The following GPRC5D variants were observed in gnomAD, a reference collection of about 807,000 sequenced individuals.
GPRC5D encodes G protein-coupled receptor family C group 5 member D.
GPRC5D carries 20 observed loss-of-function variants against 29.3 expected under a neutral mutation model. The observed-to-expected ratio is 0.68, with a 90% CI of 0.48 to 0.99. The LOEUF (loss-of-function observed/expected upper bound fraction) is 0.99, where lower values mean the gene tolerates loss of function less well. Among genes scored for constraint, GPRC5D ranks in the 50% least tolerant of loss-of-function variants. The pLI is 0.00. For synonymous variants in GPRC5D, 178 were observed against 171.3 expected, an observed-to-expected ratio of 1.04 and a Z score of -0.30; for missense variants, 384 against 423.6, an observed-to-expected ratio of 0.91 and a Z score of 0.82.
In GPRC5D at chr12:12,942,076, C is replaced by A. The variant is rs372206869; in HGVS notation, c.963+185G>T. On this transcript the variant is annotated intron_variant, in intron 2 of 2. Coordinates refer to ENST00000228887, the Ensembl canonical transcript of GPRC5D. Reference sequence around the variant, plus strand: ...AAGACTGGGAGGGTTTGGGTGAAAGCTGTCTTGCGCCACCTGGTCTGGCTT... The same window carrying A: ...AAGACTGGGAGGGTTTGGGTGAAAGATGTCTTGCGCCACCTGGTCTGGCTT... Among the ~76,000 whole-genome samples the A allele has an allele frequency of 7.9e-4, 120 of 152,266 alleles. 1 individual carries two copies. The highest frequency in any genetic ancestry group is 2.8e-3 in the African/African-American group (117 of 41,558).
At chr12:12,944,021 G>T (rs1420224881) in intron 1 of GPRC5D, among the ~76,000 whole-genome samples, 1 of 152,170 alleles carries the variant, frequency 6.6e-6, no homozygotes, top group Non-Finnish European at 1.5e-5. Context: ...ACCTTGGTTT[G>T]GTCTCGAAGC....
intron 1 of GPRC5D, among the ~76,000 whole-genome samples, chr12:12,944,869 CTTTCTT>C (rs1863261447): frequency 1.9e-5 from 2 of 107,954 alleles, no homozygotes; most frequent in Non-Finnish European, 3.9e-5. Flanking sequence ...TTCTTTCTTT[CTTTCTT>C]TCTTTCTTTC....
At chr12:12,950,297 C>G in exon 1 of GPRC5D, 1 of 1,613,028 alleles carries the variant, frequency 6.2e-7, no homozygotes, top group Non-Finnish European at 8.5e-7. Context: ...CCAAGTATGG[C>G]CAGGGACTCC....
chr12:12,949,948 T>G (rs1205893716), exon 1 of GPRC5D: 2 of 1,613,560 alleles, frequency 1.2e-6, no homozygotes, highest in South Asian at 1.1e-5. Context: ...AGTCACATAC[T>G]CAGTGGCAAT....
chr12:12,951,657 T>C (rs1486099728), upstream of GPRC5D, among the ~76,000 whole-genome samples: 4 of 152,230 alleles, frequency 2.6e-5, no homozygotes, highest in Non-Finnish European at 5.9e-5. Flanking sequence ...GCATGATTGA[T>C]GGAATTCAGT....
At chr12:12,946,365 CT>C (rs1254282820) in intron 1 of GPRC5D, among the ~76,000 whole-genome samples, 166 of 129,556 alleles carry the variant, frequency 1.3e-3, no homozygotes, top group African/African-American at 4.4e-3. Flanking sequence ...TTCTTTCTTT[CT>C]TTTCTTTCTT....
Position 12,950,015 on chromosome 12 carries a change from A to ATCCTT in GPRC5D, c.369_370insAAGGA (p.Phe124LysfsTer27), listed in dbSNP as rs1181758934. The ATCCTT allele has an allele frequency of 6.2e-7, 1 of 1,614,190 alleles. No individual in the cohort carries two copies. Among genetic ancestry groups the ATCCTT allele is most frequent in the Non-Finnish European group, 8.5e-7 (1 of 1,180,006 alleles). On this transcript the variant is annotated frameshift_variant, in exon 1 of 3. Transcript: ENST00000228887. LOFTEE classifies it high-confidence loss of function. The stretch of plus-strand genomic sequence containing the variant: ...ATGCACAGAATTGTCGTCCAGGAGA[A>ATCCTT]GGAGACACAACCCCGAACCAGCTTC...
upstream of GPRC5D, chr12:12,952,094 A>G (rs960158450): frequency 1.3e-5 from 2 of 152,132 alleles, no homozygotes; most frequent in Non-Finnish European, 2.9e-5. Context: ...ATGGCCCCCC[A>G]ATTCCAACTT....
At position 12,944,837 on chromosome 12, in the gene GPRC5D, CCTTCCTTCCTTCCTTCTT is replaced by C. The variant is rs1863250841; in HGVS notation, c.896-2527_896-2510del. ...TCCTTCCTTCCTTCCTTCCTTCCTT[CCTTCCTTCCTTCCTTCTT>C]TCTTTCTTTCTTTCTTTCTTTCTTT... On this transcript the variant is annotated intron_variant, in intron 1 of 2. Coordinates refer to ENST00000228887, the Ensembl canonical transcript of GPRC5D. Among the ~76,000 whole-genome samples, 48 of 20,508 alleles carry C rather than the reference CCTTCCTTCCTTCCTTCTT, an allele frequency of 2.3e-3. 5 individuals are homozygous for C. The highest frequency in any genetic ancestry group is 7.0e-3 in the Admixed American group (9 of 1,278). The allele number at this position is 20,508 out of a possible 152,430, so 13.5% of individuals were successfully genotyped here.
intron 1 of GPRC5D, among the ~76,000 whole-genome samples, chr12:12,946,097 C>T (rs1353934094): frequency 6.6e-6 from 1 of 152,142 alleles, no homozygotes; most frequent in Non-Finnish European, 1.5e-5. Flanking sequence ...TTCTTAATCC[C>T]CTTTGCTGAT....
intron 1 of GPRC5D, among the ~76,000 whole-genome samples, chr12:12,946,344 T>C (rs1863333587): frequency 6.7e-6 from 1 of 150,226 alleles, no homozygotes; most frequent in Admixed American, 6.6e-5. Context: ...TTTCTTTCTT[T>C]CTTTCTTTCT....
chr12:12,942,267 C>T (rs755354026), exon 2 of GPRC5D: 1 of 1,604,674 alleles, frequency 6.2e-7, no homozygotes, highest in Admixed American at 1.7e-5. Flanking sequence ...TTACCTGCGG[C>T]TGAATGGGAG....
At chr12:12,951,105 G>T (rs1863483828), upstream of GPRC5D, among the ~76,000 whole-genome samples, 1 of 152,150 alleles carries the variant, frequency 6.6e-6, no homozygotes, top group African/African-American at 2.4e-5. Flanking sequence ...GTGAGACGCT[G>T]TCTGAAAACA....
intron 1 of GPRC5D, among the ~76,000 whole-genome samples, chr12:12,946,029 A>G (rs2136497639): frequency 6.6e-6 from 1 of 152,300 alleles, no homozygotes; most frequent in Admixed American, 6.5e-5. Flanking sequence ...TAAGTCCATA[A>G]TCCACTTCGG....
At chr12:12,948,537 A>G (rs1863410343) in intron 1 of GPRC5D, 1 of 154,388 alleles carries the variant, frequency 6.5e-6, no homozygotes, top group African/African-American at 2.4e-5. Context: ...ATATAAAATA[A>G]CATCATCATT....
chr12:12,950,166 G>A (rs1863457126), exon 1 of GPRC5D: 1 of 1,614,044 alleles, frequency 6.2e-7, no homozygotes, highest in East Asian at 2.2e-5. Flanking sequence ...CGAGTCCGAA[G>A]AGCCCCAGGA....
At chr12:12,949,880 C>T (rs1863445871) in exon 1 of GPRC5D, 4 of 1,614,158 alleles carry the variant, frequency 2.5e-6, no homozygotes, top group Admixed American at 3.3e-5. Flanking sequence ...ACAACAAAGT[C>T]CACATTGAGC....
exon 1 of GPRC5D, chr12:12,949,913 A>T (rs761419207): frequency 1.2e-6 from 2 of 1,613,914 alleles, no homozygotes; most frequent in South Asian, 2.2e-5. Flanking sequence ...ATATTCACAA[A>T]CATCATACCT....
upstream of GPRC5D, among the ~76,000 whole-genome samples, chr12:12,950,771 T>C (rs1262354649): frequency 1.3e-5 from 2 of 150,440 alleles, no homozygotes; most frequent in East Asian, 2.0e-4. Context: ...TGCCCCACTG[T>C]ACTCCAGCCT....
Sources: gnomAD v4.1 joint callset for allele counts (sites outside exome capture counted in the v4.1 genomes callset) on GRCh38, gnomAD v4.1.1 for gene constraint, MANE v1.5 for transcripts, NCBI Gene and HGNC (gene_info 2026-07-23, HGNC 2026-07-21) for gene names.